The following MAPK10 variants were observed in gnomAD, a reference collection of about 807,000 sequenced individuals.
The protein encoded by MAPK10 is JNK3 alpha protein kinase.
In MAPK10, 25 loss-of-function variants were observed where a neutral mutation model predicts 59.3. The observed-to-expected ratio is 0.42, with a 90% CI of 0.31 to 0.59. The LOEUF (loss-of-function observed/expected upper bound fraction) is 0.59, where lower values mean the gene tolerates loss of function less well. MAPK10 is among the 20% of genes least tolerant of loss of function. The pLI is 0.15. For synonymous variants in MAPK10, 190 were observed against 200.5 expected (o/e 0.95, Z 0.44); for missense variants, 351 against 568.9 (o/e 0.62, Z 3.90).
rs181516035 is a variant in MAPK10 at position 86,017,870 on chromosome 4, G to C, written c.1253-500C>G. Among the ~76,000 whole-genome samples the C allele has an allele frequency of 2.0e-5, 3 of 151,956 alleles. No individual in the cohort carries two copies. Among genetic ancestry groups the C allele is most frequent in the Admixed American group, 2.0e-4 (3 of 15,262 alleles). On this transcript the variant is annotated intron_variant, in intron 13 of 13. Transcript: ENST00000641462. The surrounding 1 kb of genome is among the most constrained non-coding windows in gnomAD (Gnocchi z 4.4). ...CCCGAGTAGCTGGGAGTACAGGTGC[G>C]CACCACCACACCCAGCTAATTTTTG...
At chr4:86,208,782 A>G (rs939849869) in intron 2 of MAPK10, among the ~76,000 whole-genome samples, 3 of 152,154 alleles carry the variant, frequency 2.0e-5, no homozygotes, top group African/African-American at 7.2e-5. Flanking sequence ...TTCAATTAGG[A>G]AAAGAGGAAG....
At chr4:86,194,097 G>T in intron 3 of MAPK10, 1 of 484,070 alleles carries the variant, frequency 2.1e-6, no homozygotes, top group East Asian at 3.7e-5. Context: ...ACCTTTCCCA[G>T]TGAGATGAAC....
chr4:86,342,575 A>G (rs1235866689), intron 2 of MAPK10, among the ~76,000 whole-genome samples: 1 of 152,250 alleles, frequency 6.6e-6, no homozygotes, highest in Non-Finnish European at 1.5e-5. Flanking sequence ...CTCCTGTGAC[A>G]CAAAAAGGCA....
At chr4:86,535,579 A>G (rs866341130) in intron 1 of MAPK10, among the ~76,000 whole-genome samples, 1 of 152,124 alleles carries the variant, frequency 6.6e-6, no homozygotes, top group Non-Finnish European at 1.5e-5. Context: ...AGCCTCCCCA[A>G]GTGCTGGGAT....
chr4:86,550,460 G>C (rs1424575909), intron 1 of MAPK10, among the ~76,000 whole-genome samples: 1 of 150,140 alleles, frequency 6.7e-6, no homozygotes, highest in Non-Finnish European at 1.5e-5. Context: ...GCACTTTGTG[G>C]GGCTGAGGAA....
At chr4:86,308,003 A>G (rs1057135967) in intron 2 of MAPK10, among the ~76,000 whole-genome samples, 1 of 152,192 alleles carries the variant, frequency 6.6e-6, no homozygotes, top group African/African-American at 2.4e-5. Flanking sequence ...ACAAAACTAT[A>G]AAGTGAACCA....
chr4:86,149,369 C>A (rs534443790), intron 4 of MAPK10, among the ~76,000 whole-genome samples: 3 of 152,146 alleles, frequency 2.0e-5, no homozygotes, highest in Admixed American at 1.3e-4. Flanking sequence ...CAGGTTCAAG[C>A]GATTCTCCCG....
intron 1 of MAPK10, among the ~76,000 whole-genome samples, chr4:86,491,540 T>C (rs1178881466): frequency 6.6e-6 from 1 of 152,208 alleles, no homozygotes; most frequent in African/African-American, 2.4e-5. Context: ...ATATCTGGTT[T>C]CGCAGGATAT....
intron 2 of MAPK10, among the ~76,000 whole-genome samples, chr4:86,218,310 G>A (rs766126481): frequency 2.6e-4 from 39 of 152,062 alleles, no homozygotes; most frequent in Non-Finnish European, 5.0e-4. Context: ...CCTCCCGAGT[G>A]GCTGGGACTA....
intron 2 of MAPK10, among the ~76,000 whole-genome samples, chr4:86,267,164 C>G (rs1487111306): frequency 6.6e-6 from 1 of 152,096 alleles, no homozygotes; most frequent in Non-Finnish European, 1.5e-5. Context: ...CTGTCCTGAA[C>G]AGAAAAGTTC....
intron 1 of MAPK10, among the ~76,000 whole-genome samples, chr4:86,430,144 G>T (rs1194472974): frequency 7.2e-5 from 11 of 152,064 alleles, no homozygotes; most frequent in African/African-American, 2.7e-4. Flanking sequence ...TTTCATTAAG[G>T]ATTTAAAGAT....
chr4:86,534,002 C>T (rs533370489), intron 1 of MAPK10, among the ~76,000 whole-genome samples: 20 of 152,286 alleles, frequency 1.3e-4, no homozygotes, highest in African/African-American at 4.8e-4. Flanking sequence ...AAAGACACAG[C>T]CCTCTTCTAC....
intron 1 of MAPK10, among the ~76,000 whole-genome samples, chr4:86,500,287 T>C (rs1195427197): frequency 1.3e-5 from 2 of 152,180 alleles, no homozygotes; most frequent in Non-Finnish European, 2.9e-5. Context: ...ATCAGCTTAT[T>C]TGAAATCGGG....
rs1731835969 is a variant in MAPK10 at position 86,352,078 on chromosome 4, C to G, written c.-7+2452G>C. The stretch of plus-strand genomic sequence containing the variant: ...GTGTTGGTGAGAATGCAGAGTTTCT[C>G]ATATACTGCTGCTGGGAATGTAAAT... On this transcript the variant is annotated intron_variant, in intron 2 of 13. Coordinates refer to ENST00000641462, the MANE Select transcript of MAPK10 (RefSeq NM_138982.4). 2.0e-5 allele frequency: 3 copies of G among 152,070 alleles called. No individual in the cohort carries two copies. In the South Asian group the frequency reaches 6.2e-4, roughly 31 times the overall value. 9.4% of individuals were successfully genotyped at this position (152,070 alleles called of 1,614,324 possible).
intron 3 of MAPK10, among the ~76,000 whole-genome samples, chr4:86,168,964 G>C (rs1486944107): frequency 6.6e-6 from 1 of 152,162 alleles, no homozygotes; most frequent in Non-Finnish European, 1.5e-5. Flanking sequence ...GGTCTGGAGT[G>C]GACCTCTAGC....
chr4:86,168,890 A>G (rs6850992), intron 3 of MAPK10, among the ~76,000 whole-genome samples: 9,953 of 152,232 alleles, frequency 0.065, 1,106 homozygotes, highest in African/African-American at 0.23. Flanking sequence ...ATCAGACAGC[A>G]GCATTCGCGG....
intron 1 of MAPK10, among the ~76,000 whole-genome samples, chr4:86,404,682 T>C (rs2149020465): frequency 6.6e-6 from 1 of 152,278 alleles, no homozygotes; most frequent in Non-Finnish European, 1.5e-5. Flanking sequence ...AGGAAGATTG[T>C]CTGTAAGCAG....
At chr4:86,282,812 A>C (rs2094861043) in intron 2 of MAPK10, among the ~76,000 whole-genome samples, 1 of 152,174 alleles carries the variant, frequency 6.6e-6, no homozygotes, top group Admixed American at 6.6e-5. Context: ...AAGAGGATGG[A>C]AGTCCCCTTG....
At chr4:86,437,953 A>C (rs771516111) in intron 1 of MAPK10, among the ~76,000 whole-genome samples, 36 of 152,376 alleles carry the variant, frequency 2.4e-4, no homozygotes, top group Non-Finnish European at 4.4e-4. Context: ...ATCATGATTT[A>C]ATCTCATAAA....
Sources: allele counts gnomAD v4.1 joint callset (sites outside exome capture counted in the v4.1 genomes callset), GRCh38; gene constraint gnomAD v4.1.1; non-coding constraint Gnocchi (gnomAD v3.1); transcripts MANE v1.5; gene names NCBI Gene and HGNC (gene_info 2026-07-23, HGNC 2026-07-21).